The following B9D1 variants were observed in gnomAD, a reference collection of about 807,000 sequenced individuals.
B9D1 encodes B9 domain-containing protein 1.
In B9D1, 20 loss-of-function variants were observed where a neutral mutation model predicts 26.1. The observed-to-expected ratio is 0.77, with a 90% CI of 0.54 to 1.12. The LOEUF (loss-of-function observed/expected upper bound fraction) is 1.12, where lower values mean the gene tolerates loss of function less well. B9D1 is among the 50% of genes most tolerant of loss of function. B9D1 has a pLI of 0.00. For synonymous variants in B9D1, 105 were observed against 103.1 expected, an observed-to-expected ratio of 1.02 and a Z score of -0.11; for missense variants, 260 against 273.7, an observed-to-expected ratio of 0.95 and a Z score of 0.35.
chr17:19,343,715 C>G, intron 6 of B9D1, 75 bp downstream of exon 6: 1 of 1,613,584 alleles, frequency 6.2e-7, no homozygotes, highest in Non-Finnish European at 8.5e-7. Context: ...GGCATTCACC[C>G]CAACCCTGGG....
chr17:19,344,781 A>G (rs1254994225), intron 5 of B9D1, among the ~76,000 whole-genome samples: 1 of 152,200 alleles, frequency 6.6e-6, no homozygotes, highest in African/African-American at 2.4e-5. Context: ...CAGGCCAGGG[A>G]GGGGCTCTCA....
chr17:19,338,357 T>G (rs1309560018), downstream of B9D1, among the ~76,000 whole-genome samples: 1 of 152,248 alleles, frequency 6.6e-6, no homozygotes, highest in Non-Finnish European at 1.5e-5. Flanking sequence ...TCTCACCTGC[T>G]GCCTGTGGGT....
downstream of B9D1, chr17:19,341,401 T>C: frequency 9.5e-7 from 1 of 1,055,218 alleles, no homozygotes; most frequent in East Asian, 3.2e-5. Flanking sequence ...CCATGACACG[T>C]GGGGCACATG....
downstream of B9D1, chr17:19,337,686 C>T: frequency 6.5e-7 from 1 of 1,530,860 alleles, no homozygotes; most frequent in Non-Finnish European, 8.8e-7. Context: ...GTCAGTGACT[C>T]AGGGACTCAA....
At chr17:19,356,242 C>G (rs962541965) in intron 3 of B9D1, among the ~76,000 whole-genome samples, 4 of 151,984 alleles carry the variant, frequency 2.6e-5, no homozygotes, top group African/African-American at 9.7e-5. Flanking sequence ...CAGGCGCCCA[C>G]CCCCATGCCA....
downstream of B9D1, chr17:19,335,646 C>T (rs915056323): frequency 2.7e-5 from 12 of 439,782 alleles, no homozygotes; most frequent in Middle Eastern, 6.3e-4. Context: ...CAGGGCTGGC[C>T]CTGATCCACC....
chr17:19,343,706 G>A, intron 6 of B9D1, 84 bp downstream of exon 6: 3 of 1,613,132 alleles, frequency 1.9e-6, no homozygotes, highest in South Asian at 2.2e-5. Context: ...CAGGTCCCCG[G>A]CATTCACCCC....
intron 3 of B9D1, among the ~76,000 whole-genome samples, chr17:19,350,033 A>C (rs955902996): frequency 6.6e-6 from 1 of 151,154 alleles, no homozygotes. Context: ...AATGGCGTGA[A>C]CCCGGGAGGC....
chr17:19,377,906 G>A, exon 1 of B9D1: 2 of 985,416 alleles, frequency 2.0e-6, no homozygotes, highest in African/African-American at 1.7e-5. Context: ...GCCGGAAGCT[G>A]CGGAGAGGCT....
downstream of B9D1, among the ~76,000 whole-genome samples, chr17:19,337,188 G>A (rs988837122): frequency 2.6e-5 from 4 of 152,224 alleles, no homozygotes; most frequent in Non-Finnish European, 2.9e-5. Flanking sequence ...AGCCAACTGC[G>A]TGTTCCTGAG....
chr17:19,343,511 A>C, intron 6 of B9D1, 50 bp from the exon 7 acceptor site: 1 of 1,612,762 alleles, frequency 6.2e-7, no homozygotes, highest in Non-Finnish European at 8.5e-7. Flanking sequence ...GCAGAGAGAG[A>C]CCCAGGTTGA....
upstream of B9D1, among the ~76,000 whole-genome samples, chr17:19,367,556 C>T: frequency 6.6e-6 from 1 of 152,204 alleles, no homozygotes; most frequent in East Asian, 1.9e-4. Context: ...AAGTGATCCA[C>T]CTGCCTTGGC....
chr17:19,337,833 C>G, downstream of B9D1: 1 of 930,656 alleles, frequency 1.1e-6, no homozygotes, highest in Non-Finnish European at 1.7e-6. Flanking sequence ...CACACCAGTG[C>G]CAGAATTAGG....
intron 1 of B9D1, among the ~76,000 whole-genome samples, chr17:19,376,841 A>C (rs1258527832): frequency 7.0e-6 from 1 of 142,848 alleles, no homozygotes; most frequent in Non-Finnish European, 1.5e-5. Context: ...TAAAATAAAC[A>C]ACCAAAAAAC....
At chr17:19,340,537 T>C (rs534075282), downstream of B9D1, among the ~76,000 whole-genome samples, 2 of 149,082 alleles carry the variant, frequency 1.3e-5, no homozygotes, top group South Asian at 4.5e-4. Flanking sequence ...CCCAACACTT[T>C]GGGAAGCTGG....
chr17:19,343,672 G>T (rs750602664), intron 6 of B9D1, 118 bp downstream of exon 6: 30 of 1,606,658 alleles, frequency 1.9e-5, no homozygotes, highest in Non-Finnish European at 2.3e-5. Flanking sequence ...GGGAACATTT[G>T]TGGGCTAGCT....
downstream of B9D1, chr17:19,335,703 A>T (rs1220293451): frequency 3.8e-5 from 15 of 392,100 alleles, no homozygotes; most frequent in Middle Eastern, 5.8e-4. Context: ...ACCTAAAAAT[A>T]ATTCTCTTGT....
chr17:19,346,089 C>T (rs1391452467), intron 5 of B9D1, among the ~76,000 whole-genome samples: 1 of 152,240 alleles, frequency 6.6e-6, no homozygotes, highest in African/African-American at 2.4e-5. Context: ...GCCTGGATGG[C>T]TGTGTGGGTC....
chr17:19,345,471 C>T (rs1211295621), intron 5 of B9D1, among the ~76,000 whole-genome samples: 1 of 152,120 alleles, frequency 6.6e-6, no homozygotes, highest in Admixed American at 6.6e-5. Context: ...GAAACAGGGT[C>T]ACGTGCACTT....
Sources: allele counts gnomAD v4.1 joint callset (sites outside exome capture counted in the v4.1 genomes callset), GRCh38; gene constraint gnomAD v4.1.1; transcripts MANE v1.5; gene names NCBI Gene and HGNC (gene_info 2026-07-23, HGNC 2026-07-21).